Variants in ACOX3 observed in about 807,000 individuals in gnomAD.
ACOX3 encodes the protein acyl-CoA oxidase 3, pristanoyl.
In ACOX3, 73 loss-of-function variants were observed where a neutral mutation model predicts 81.5. The observed-to-expected ratio is 0.90, with a 90% CI of 0.74 to 1.09. The LOEUF is 1.09. Ranked by LOEUF, ACOX3 falls within the 50% of genes least tolerant of loss-of-function variation. The probability of loss-of-function intolerance (pLI) is 0.00; values close to 1 mark genes in which losing one functional copy is unlikely to be tolerated. For synonymous variants in ACOX3, 387 were observed against 375.1 expected, an observed-to-expected ratio of 1.03 and a Z score of -0.37; for missense variants, 947 against 928.0, an observed-to-expected ratio of 1.02 and a Z score of -0.27.
intron 7 of ACOX3, among the ~76,000 whole-genome samples, chr4:8,403,200 T>C (rs1372534912): frequency 6.6e-6 from 1 of 152,268 alleles, no homozygotes; most frequent in African/African-American, 2.4e-5. Context: ...AAATCTAACC[T>C]ACAAATTGTA....
rs35092737 is a variant in ACOX3 at position 8,416,438 on chromosome 4, C to T, written c.84G>A (p.Ala28=). ...GCGCCAGCTCCTTCCAGCTGAAGGA[C>T]GCTCTTGCTCGGTAGGCATCGAGGG... ...RGPLDAYRAR[A]SFSWKELALF... Residue 28 remains alanine (A), a synonymous_variant, in exon 2 of 18, where the codon GCG becomes GCA. Coordinates refer to ENST00000356406, the MANE Select transcript of ACOX3 (RefSeq NM_003501.3). The surrounding 1 kb of genome is among the most constrained non-coding windows in gnomAD (Gnocchi z 4.2). 1,433 of 1,614,184 alleles carry T rather than the reference C, an allele frequency of 8.9e-4. 14 individuals are homozygous for T. In the African/African-American group the frequency reaches 0.016, roughly 18 times the overall value.
intron 1 of ACOX3, among the ~76,000 whole-genome samples, chr4:8,440,230 C>A (rs1233744658): frequency 6.6e-6 from 1 of 152,236 alleles, no homozygotes; most frequent in African/African-American, 2.4e-5. Context: ...GAGCTCAGCT[C>A]TTAAGACGCA....
chr4:8,356,048 C>T, the ACOX3 span: 1 of 189,122 alleles, frequency 5.3e-6, no homozygotes, highest in Non-Finnish European at 1.1e-5. Context: ...GGCAAGACTC[C>T]TACATTCTAG....
intron 7 of ACOX3, among the ~76,000 whole-genome samples, chr4:8,403,982 G>A (rs1720649766): frequency 6.6e-6 from 1 of 152,208 alleles, no homozygotes; most frequent in Non-Finnish European, 1.5e-5. Context: ...GGGTAACAGT[G>A]CCTGTGGCTG....
Position 8,385,695 on chromosome 4 carries a change from C to T in ACOX3, c.1537+3478G>A, listed in dbSNP as rs1244510842. Among the ~76,000 whole-genome samples, 1 of 152,246 alleles carries T rather than the reference C, an allele frequency of 6.6e-6. No individual in the cohort carries two copies. Among genetic ancestry groups the T allele is most frequent in the South Asian group, 2.1e-4 (1 of 4,828 alleles). ...GGACCCGCCATTGGCTTGGCAAATC[C>T]TCCACCCTTCCTCACAGGCAAGCGC... is the stretch of plus-strand genomic sequence containing the variant. On this transcript the variant is annotated intron_variant, in intron 13 of 17. Transcript: ENST00000356406. The surrounding 1 kb of genome is among the most constrained non-coding windows in gnomAD (Gnocchi z 5.5).
In ACOX3 at chr4:8,416,108, C is replaced by A. The variant is rs1722301763; in HGVS notation, c.145-109G>T. On this transcript the variant is annotated intron_variant, in intron 2 of 17. Transcript: ENST00000356406. The surrounding 1 kb of genome is among the most constrained non-coding windows in gnomAD (Gnocchi z 4.2). ...ACAGGCTTCATGGGACACAGTCTGA[C>A]CCGGAGACACCCAGACAGAGATATG... is the stretch of plus-strand genomic sequence containing the variant. 8.8e-7 allele frequency: 1 copy of A among 1,131,912 alleles called. No homozygotes were observed. Among genetic ancestry groups the A allele is most frequent in the Non-Finnish European group, 1.3e-6 (1 of 778,750 alleles). 70.1% of individuals were successfully genotyped at this position (1,131,912 alleles called of 1,614,324 possible).
intron 1 of ACOX3, chr4:8,439,442 G>C (rs909562936): frequency 6.6e-6 from 1 of 152,178 alleles, no homozygotes; most frequent in Non-Finnish European, 1.5e-5. Context: ...TTATAAAAAG[G>C]CTAACATGAG....
chr4:8,355,769 G>A, the ACOX3 span: 1 of 152,290 alleles, frequency 6.6e-6, no homozygotes, highest in Non-Finnish European at 1.5e-5. Flanking sequence ...GAGGAATAAT[G>A]ATTTACAGTG....
Position 8,386,415 on chromosome 4 carries a change from A to G in ACOX3, c.1537+2758T>C, listed in dbSNP as rs1718302317. Among the ~76,000 whole-genome samples the G allele has an allele frequency of 6.6e-6, 1 of 151,882 alleles. No homozygotes were observed. Among genetic ancestry groups the G allele is most frequent in the Non-Finnish European group, 1.5e-5 (1 of 67,986 alleles). On this transcript the variant is annotated intron_variant, in intron 13 of 17. Transcript: ENST00000356406. This position sits in a 1 kb window ranked among gnomAD's most constrained non-coding sequence, Gnocchi z 5.2. The stretch of plus-strand genomic sequence containing the variant: ...CTCCGTCTCTACTAAAAATACAAAA[A>G]ATTAGCCGGGTGTGGTTGTGGGCTC...
intron 1 of ACOX3, among the ~76,000 whole-genome samples, chr4:8,418,057 CG>C (rs1722532827): frequency 6.6e-6 from 1 of 152,116 alleles, no homozygotes; most frequent in South Asian, 2.1e-4. Context: ...AAACTGTCCA[CG>C]AAGAAAAACC....
At chr4:8,415,693 C>T in intron 3 of ACOX3, 73 bp downstream of exon 3, 4 of 1,370,038 alleles carry the variant, frequency 2.9e-6, no homozygotes, top group Non-Finnish European at 4.1e-6. Context: ...CTTGGTTGGC[C>T]CTGGGACAGG....
chr4:8,384,260 T>C lies in ACOX3; in HGVS notation c.1538-2653A>G, dbSNP rs888362946. 1.3e-5 allele frequency among the ~76,000 whole-genome samples: 2 copies of C among 152,196 alleles called. No individual in the cohort carries two copies. Among genetic ancestry groups the C allele is most frequent in the African/African-American group, 4.8e-5 (2 of 41,448 alleles). On this transcript the variant is annotated intron_variant, in intron 13 of 17. Transcript: ENST00000356406. This position sits in a 1 kb window ranked among gnomAD's most constrained non-coding sequence, Gnocchi z 5.3. The stretch of plus-strand genomic sequence containing the variant: ...CACTCTACTTTTGGTTCTTGGTTTT[T>C]CGTGAAAAAATAAATCATGTCAGTC...
intron 1 of ACOX3, among the ~76,000 whole-genome samples, chr4:8,434,560 G>T (rs189751709): frequency 6.6e-6 from 1 of 152,242 alleles, no homozygotes; most frequent in African/African-American, 2.4e-5. Flanking sequence ...TCGTCAGAGT[G>T]GTGCATGGCA....
chr4:8,383,731 A>G (rs1274259774), intron 13 of ACOX3, among the ~76,000 whole-genome samples: 2 of 152,194 alleles, frequency 1.3e-5, no homozygotes, highest in African/African-American at 4.8e-5. Flanking sequence ...GCTACCCTTC[A>G]GGACTTTACT....
In ACOX3 at chr4:8,416,612, C is replaced by G. The variant is rs954269257; in HGVS notation, c.-14-77G>C. On this transcript the variant is annotated intron_variant, in intron 1 of 17. Coordinates refer to ENST00000356406, the MANE Select transcript of ACOX3 (RefSeq NM_003501.3). This position sits in a 1 kb window ranked among gnomAD's most constrained non-coding sequence, Gnocchi z 4.2. Reference sequence around the variant, plus strand: ...CTACCCCCACCAACAGGAGAGCCCGCAACACCTTACAAATCAGAGAAAAGT... The same window carrying G: ...CTACCCCCACCAACAGGAGAGCCCGGAACACCTTACAAATCAGAGAAAAGT... 1.4e-6 allele frequency: 2 copies of G among 1,409,894 alleles called. No individual in the cohort carries two copies. Among genetic ancestry groups the G allele is most frequent in the African/African-American group, 2.9e-5 (2 of 68,880 alleles). The allele number at this position is 1,409,894 out of a possible 1,614,324, so 87.3% of individuals were successfully genotyped here.
the ACOX3 span, chr4:8,357,246 A>G: frequency 2.8e-5 from 13 of 456,656 alleles, no homozygotes; most frequent in Admixed American, 1.9e-4. Flanking sequence ...CTGAGAGAAA[A>G]GTGGACACCA....
chr4:8,389,337 T>TGGGAACCCCAAGCTGG lies in ACOX3; in HGVS notation c.1424-67_1424-52dup. On this transcript the variant is annotated intron_variant, in intron 12 of 17. Transcript: ENST00000356406. The surrounding 1 kb of genome is among the most constrained non-coding windows in gnomAD (Gnocchi z 5.3). ...GGTGGAAGACAGGAACCCAAACCAT[T>TGGGAACCCCAAGCTGG]GGGAACCCCAAGCTGGGGGCACCCC... 1 of 1,550,836 alleles carries TGGGAACCCCAAGCTGG rather than the reference T, an allele frequency of 6.4e-7. No individual in the cohort carries two copies. The highest frequency in any genetic ancestry group is 8.8e-7 in the Non-Finnish European group (1 of 1,135,208).
chr4:8,392,121 C>T (rs139917933), intron 11 of ACOX3, among the ~76,000 whole-genome samples: 117 of 152,334 alleles, frequency 7.7e-4, no homozygotes, highest in Non-Finnish European at 2.8e-4. Context: ...GTCACAGCTG[C>T]GATTACTCAT....
chr4:8,397,780 GGTCCTTCTTCC>G (rs1719888403), intron 8 of ACOX3, among the ~76,000 whole-genome samples: 1 of 152,210 alleles, frequency 6.6e-6, no homozygotes. Context: ...TGACCATCTA[GGTCCTTCTTCC>G]AAGGCAGCAT....
Sources: gnomAD v4.1 joint callset for allele counts (sites outside exome capture counted in the v4.1 genomes callset) on GRCh38, gnomAD v4.1.1 for gene constraint, Gnocchi (gnomAD v3.1) non-coding constraint, MANE v1.5 for transcripts, NCBI Gene and HGNC (gene_info 2026-07-23, HGNC 2026-07-21) for gene names.